Variants in CLVS2 observed in about 807,000 individuals in gnomAD.
CLVS2 encodes clavesin 2, also known as clavesin-2.
CLVS2 carries 19 observed loss-of-function variants against 29.0 expected under a neutral mutation model. The ratio of observed to expected loss-of-function variants is 0.66; its 90% CI spans 0.46 to 0.96. The LOEUF (loss-of-function observed/expected upper bound fraction) is 0.96, where lower values mean the gene tolerates loss of function less well. Among genes scored for constraint, CLVS2 ranks in the 40% least tolerant of loss-of-function variants. CLVS2 has a pLI of 0.00. For synonymous variants in CLVS2, 161 were observed against 151.3 expected (o/e 1.06, Z -0.47); for missense variants, 294 against 404.1 (o/e 0.73, Z 2.34).
At chr6:123,013,915 GT>G (rs1171600209) in intron 3 of CLVS2, among the ~76,000 whole-genome samples, 1 of 151,844 alleles carries the variant, frequency 6.6e-6, no homozygotes, top group Admixed American at 6.6e-5. Context: ...GCAATGTTTG[GT>G]TTTTTATCCT....
At chr6:123,028,525 A>G (rs1775035585) in intron 3 of CLVS2, among the ~76,000 whole-genome samples, 1 of 152,200 alleles carries the variant, frequency 6.6e-6, no homozygotes, top group Admixed American at 6.5e-5. Context: ...AAACAAGGTC[A>G]TGCAGCTTTT....
chr6:123,055,175 G>A (rs1772675028), intron 4 of CLVS2, among the ~76,000 whole-genome samples: 2 of 152,124 alleles, frequency 1.3e-5, no homozygotes, highest in Non-Finnish European at 1.5e-5. Context: ...TAGTAGAGAA[G>A]ATACTGGCAA....
At chr6:123,038,026 C>A (rs1775178325) in intron 3 of CLVS2, among the ~76,000 whole-genome samples, 1 of 152,120 alleles carries the variant, frequency 6.6e-6, no homozygotes, top group Admixed American at 6.6e-5. Context: ...AGCTGTGCTG[C>A]CAAGATTTCC....
In CLVS2 at chr6:123,063,699, G is replaced by T. The variant is rs368122478; in HGVS notation, c.922G>T (p.Val308Leu). 94 of 1,611,808 alleles carry T rather than the reference G, an allele frequency of 5.8e-5. No individual in the cohort carries two copies. In the Middle Eastern group the frequency reaches 6.6e-4, roughly 11 times the overall value. Reference protein sequence around the residue: ...KRSQSVVDPTVLKRMDKNEEE... With the variant: ...KRSQSVVDPTLLKRMDKNEEE... ...ATCTCAATCAGTAGTGGATCCTACA[G>T]TACTAAAACGCATGGATAAAAATGA... The change falls in exon 6 of 6, where the codon GTA becomes TTA. Residue 308 changes from valine (V) to leucine (L), a missense_variant. Physicochemically the swap from Val to Leu is conservative, Grantham distance 32. Transcript: ENST00000275162.
At chr6:123,017,751 TA>T (rs1774858311) in intron 3 of CLVS2, among the ~76,000 whole-genome samples, 1 of 152,114 alleles carries the variant, frequency 6.6e-6, no homozygotes, top group Non-Finnish European at 1.5e-5. Flanking sequence ...TAATCTTTGA[TA>T]ATGGACTAGA....
intron 3 of CLVS2, among the ~76,000 whole-genome samples, chr6:123,026,435 GTC>G: frequency 6.6e-6 from 1 of 152,210 alleles, no homozygotes; most frequent in East Asian, 1.9e-4. Flanking sequence ...AAAAAGGTTA[GTC>G]TCTATTTCAA....
chr6:123,021,546 A>G (rs1434880885), intron 3 of CLVS2, among the ~76,000 whole-genome samples: 4 of 152,042 alleles, frequency 2.6e-5, no homozygotes, highest in Admixed American at 6.6e-5. Context: ...AATTACATAT[A>G]TATGATAAAT....
Position 122,997,308 on chromosome 6 carries a change from T to G in CLVS2, c.-470T>G. On this transcript the variant is annotated 5_prime_UTR_variant, in exon 2 of 6. Transcript: ENST00000275162. ...TCGCCACCCCTGGCAGGCGTATCCT[T>G]CAGCAGGGACCGCAGGAACATTCAC... 1 of 172,216 alleles carries G rather than the reference T, an allele frequency of 5.8e-6. No homozygotes were observed. The highest frequency in any genetic ancestry group is 1.4e-5 in the Non-Finnish European group (1 of 71,430). The allele number at this position is 172,216 out of a possible 1,614,324, so 10.7% of individuals were successfully genotyped here. A position where few individuals can be genotyped will look rare whatever the true frequency, so the allele number is the denominator to read the frequency against.
Position 123,029,590 on chromosome 6 carries a change from G to A in CLVS2, c.564+18431G>A, listed in dbSNP as rs539607450. On this transcript the variant is annotated intron_variant, in intron 3 of 5. Coordinates refer to ENST00000275162, the MANE Select transcript of CLVS2 (RefSeq NM_001010852.4). ...AGGAATAAGGAAATAAGGTTGGAAA[G>A]TTTAGTTGAAACAAAATAGTAGAAG... 2.1e-3 allele frequency among the ~76,000 whole-genome samples: 319 copies of A among 152,250 alleles called. 4 individuals carry two copies. Among genetic ancestry groups the A allele is most frequent in the African/African-American group, 7.2e-3 (301 of 41,560 alleles).
At chr6:123,028,150 T>C (rs946859035) in intron 3 of CLVS2, among the ~76,000 whole-genome samples, 3 of 152,200 alleles carry the variant, frequency 2.0e-5, no homozygotes, top group Non-Finnish European at 4.4e-5. Flanking sequence ...AGTATTAAAA[T>C]ATCGGAGAGC....
intron 1 of CLVS2, among the ~76,000 whole-genome samples, 158 bp from the exon 2 acceptor site, chr6:122,997,061 T>C (rs753786643): frequency 2.6e-5 from 4 of 152,112 alleles, no homozygotes; most frequent in Admixed American, 6.5e-5. Flanking sequence ...GGTGGGAAGG[T>C]GCGCTATCTG....
At chr6:123,054,829 T>A (rs1486084686) in intron 4 of CLVS2, among the ~76,000 whole-genome samples, 1 of 152,150 alleles carries the variant, frequency 6.6e-6, no homozygotes, top group East Asian at 1.9e-4. Context: ...TCAAGTTTTT[T>A]TTTTTTTAAA....
rs146800301 is a variant in CLVS2 at position 123,055,962 on chromosome 6, G to T, written c.832G>T (p.Val278Leu). The change falls in exon 5 of 6, where the codon GTA becomes TTA. Residue 278 changes from valine to leucine, a missense_variant. This residue lies in a region of CLVS2 where 82 missense variants were observed against 67.8 expected (regional missense o/e 1.21). Transcript: ENST00000275162. ...HEYDDDSEYN[V>L]DSYSMPVKEV... is the part of the protein sequence containing the mutation. Reference sequence around the variant, plus strand: ...ATATGACGATGACAGCGAGTACAATGTAGACTCCTACAGCATGCCTGTGAA... The same window carrying T: ...ATATGACGATGACAGCGAGTACAATTTAGACTCCTACAGCATGCCTGTGAA... 5 of 1,614,044 alleles carry T rather than the reference G, an allele frequency of 3.1e-6. No homozygotes were observed. In the Admixed American group the frequency reaches 8.3e-5, roughly 27 times the overall value.
chr6:123,017,686 C>T (rs1774857596), intron 3 of CLVS2, among the ~76,000 whole-genome samples: 1 of 151,976 alleles, frequency 6.6e-6, no homozygotes, highest in South Asian at 2.1e-4. Flanking sequence ...TAAAAGCTGA[C>T]AATAGGTAAA....
At chr6:123,022,178 G>A (rs1026013657) in intron 3 of CLVS2, among the ~76,000 whole-genome samples, 1 of 152,034 alleles carries the variant, frequency 6.6e-6, no homozygotes, top group African/African-American at 2.4e-5. Context: ...GAGGAATGGG[G>A]AAAATTATTA....
At chr6:123,038,464 G>A (rs1296584483) in intron 3 of CLVS2, among the ~76,000 whole-genome samples, 2 of 151,996 alleles carry the variant, frequency 1.3e-5, no homozygotes, top group Admixed American at 1.3e-4. Context: ...TTTAAAGGAT[G>A]TGATATTTTT....
chr6:123,017,551 T>C lies in CLVS2; in HGVS notation c.564+6392T>C, dbSNP rs544937975. On this transcript the variant is annotated intron_variant, in intron 3 of 5. Coordinates refer to ENST00000275162, the MANE Select transcript of CLVS2 (RefSeq NM_001010852.4). ...AGCTGACTGAGCTAAGTGTGCTTCT[T>C]CTTAGTTGTTACTTAACCTAGAACA... Among the ~76,000 whole-genome samples the C allele has an allele frequency of 9.2e-5, 14 of 152,272 alleles. No individual in the cohort carries two copies. The South Asian group carries it at 2.9e-3, about 32-fold the overall frequency.
intron 3 of CLVS2, among the ~76,000 whole-genome samples, chr6:123,021,384 G>A (rs1217984571): frequency 6.6e-6 from 1 of 151,626 alleles, no homozygotes; most frequent in Non-Finnish European, 1.5e-5. Context: ...CAACCGGGAG[G>A]GGATCTTTTT....
chr6:123,049,288 T>C (rs1772568301), intron 4 of CLVS2, among the ~76,000 whole-genome samples: 1 of 152,114 alleles, frequency 6.6e-6, no homozygotes, highest in African/African-American at 2.4e-5. Flanking sequence ...ACAATGAGGA[T>C]AGTCAAAGTG....
Sources: allele counts gnomAD v4.1 joint callset (sites outside exome capture counted in the v4.1 genomes callset), GRCh38; gene constraint gnomAD v4.1.1; regional missense constraint gnomAD v4.1.1; transcripts MANE v1.5; gene names NCBI Gene and HGNC (gene_info 2026-07-23, HGNC 2026-07-21).